The following NBEA variants were observed in gnomAD, a reference collection of about 807,000 sequenced individuals.
The protein encoded by NBEA is lysosomal-trafficking regulator 2.
In NBEA, 44 loss-of-function variants were observed where a neutral mutation model predicts 343.4. The ratio of observed to expected loss-of-function variants is 0.13; its 90% confidence interval spans 0.10 to 0.16. NBEA has a LOEUF of 0.16. Ranked by LOEUF, NBEA falls within the 10% of genes least tolerant of loss-of-function variation. The pLI, the probability that NBEA is intolerant of heterozygous loss-of-function variation, is 1.00. For missense variants in NBEA, 2,555 were observed against 3,631.3 expected (o/e 0.70, Z 7.62); for synonymous variants, 1,175 against 1,238.7 (o/e 0.95, Z 1.08).
chr13:35,154,668 A>G (rs1270300336), intron 18 of NBEA, among the ~76,000 whole-genome samples: 1 of 152,198 alleles, frequency 6.6e-6, no homozygotes, highest in Admixed American at 6.5e-5. Context: ...GATGTTCAAA[A>G]TCCTGCTCCC....
chr13:34,989,801 C>G (rs1265023935), intron 1 of NBEA, among the ~76,000 whole-genome samples: 1 of 150,978 alleles, frequency 6.6e-6, no homozygotes, highest in African/African-American at 2.4e-5. Context: ...CAAGGCACGT[C>G]TATTTGCCTA....
At chr13:35,327,846 A>G (rs896855069) in intron 36 of NBEA, among the ~76,000 whole-genome samples, 5 of 151,996 alleles carry the variant, frequency 3.3e-5, no homozygotes, top group African/African-American at 9.7e-5. Context: ...AAAGAGAAAA[A>G]TATACGATCA....
intron 17 of NBEA, among the ~76,000 whole-genome samples, chr13:35,130,673 G>GA (rs918328232): frequency 1.8e-4 from 26 of 146,976 alleles, no homozygotes; most frequent in South Asian, 1.1e-3. Flanking sequence ...AGTATAATTT[G>GA]AAAAAAAAAA....
At chr13:35,369,232 G>A (rs1363481524) in intron 38 of NBEA, among the ~76,000 whole-genome samples, 1 of 149,604 alleles carries the variant, frequency 6.7e-6, no homozygotes, top group Non-Finnish European at 1.5e-5. Flanking sequence ...TAAGTACATG[G>A]ATTTGTTTCT....
chr13:35,274,315 G>A (rs746165004), intron 34 of NBEA, among the ~76,000 whole-genome samples: 6 of 152,084 alleles, frequency 3.9e-5, no homozygotes, highest in South Asian at 2.1e-4. Context: ...ATTCAACAGC[G>A]TTTCATGCTA....
intron 36 of NBEA, among the ~76,000 whole-genome samples, chr13:35,332,056 C>A (rs2038960176): frequency 6.6e-6 from 1 of 152,000 alleles, no homozygotes; most frequent in Non-Finnish European, 1.5e-5. Flanking sequence ...CATACTCATG[C>A]ATTCATTCAG....
intron 39 of NBEA, among the ~76,000 whole-genome samples, chr13:35,440,635 A>C (rs150142871): frequency 6.6e-6 from 1 of 152,188 alleles, no homozygotes; most frequent in Non-Finnish European, 1.5e-5. Flanking sequence ...AACACAGGAT[A>C]GTGTGGGGAA....
At chr13:35,518,209 A>C (rs1183499021) in intron 41 of NBEA, among the ~76,000 whole-genome samples, 1 of 152,146 alleles carries the variant, frequency 6.6e-6, no homozygotes, top group East Asian at 1.9e-4. Context: ...TCATACCAAC[A>C]GTCCTTTGTA....
intron 55 of NBEA, among the ~76,000 whole-genome samples, 179 bp from the exon 56 acceptor site, chr13:35,664,906 T>C (rs570814176): frequency 1.3e-5 from 2 of 152,378 alleles, no homozygotes; most frequent in South Asian, 4.1e-4. Context: ...ATAGATTCGC[T>C]AGTTATGCGC....
At chr13:34,992,406 C>T (rs990380296) in intron 1 of NBEA, among the ~76,000 whole-genome samples, 8 of 151,222 alleles carry the variant, frequency 5.3e-5, no homozygotes, top group Non-Finnish European at 1.2e-4. Context: ...AGGCACATGC[C>T]ACCATGCCTG....
intron 1 of NBEA, among the ~76,000 whole-genome samples, chr13:35,029,563 T>A (rs1271651396): frequency 6.6e-6 from 1 of 151,638 alleles, no homozygotes; most frequent in East Asian, 1.9e-4. Flanking sequence ...TTTTAGAGTT[T>A]ATCCAAAATA....
intron 30 of NBEA, among the ~76,000 whole-genome samples, chr13:35,195,300 G>A (rs896746734): frequency 3.3e-5 from 5 of 152,004 alleles, no homozygotes; most frequent in South Asian, 2.1e-4. Flanking sequence ...TGCTTTTGAA[G>A]GCATCAGTTT....
At chr13:35,638,466 A>G (rs2083796444) in intron 49 of NBEA, among the ~76,000 whole-genome samples, 1 of 152,206 alleles carries the variant, frequency 6.6e-6, no homozygotes, top group Non-Finnish European at 1.5e-5. Context: ...AGGCACTGCC[A>G]AAACGGGACT....
At chr13:35,157,358 G>A (rs73502427) in intron 21 of NBEA, 88 bp downstream of exon 21, 1 of 1,015,884 alleles carries the variant, frequency 9.8e-7, no homozygotes. Context: ...CATCTTGTGG[G>A]CATCTTAGAT....
At chr13:35,272,403 G>A (rs2034234102) in intron 34 of NBEA, among the ~76,000 whole-genome samples, 1 of 152,116 alleles carries the variant, frequency 6.6e-6, no homozygotes, top group African/African-American at 2.4e-5. Flanking sequence ...GCGAAAACAT[G>A]CCAAATTGTA....
At chr13:35,356,933 T>C (rs946329558) in intron 38 of NBEA, among the ~76,000 whole-genome samples, 6 of 152,122 alleles carry the variant, frequency 3.9e-5, no homozygotes, top group Non-Finnish European at 8.8e-5. Context: ...ACCACATTTT[T>C]CCCTTCATCA....
intron 41 of NBEA, among the ~76,000 whole-genome samples, chr13:35,530,509 T>C (rs2078210375): frequency 6.6e-6 from 1 of 152,226 alleles, no homozygotes; most frequent in Non-Finnish European, 1.5e-5. Flanking sequence ...CTTGTTGGTT[T>C]AAACCAGGGC....
chr13:35,185,622 G>T (rs1228605821), intron 30 of NBEA: 2 of 152,116 alleles, frequency 1.3e-5, no homozygotes, highest in Non-Finnish European at 2.9e-5. Flanking sequence ...GGTTGTATCT[G>T]CCCAGATTAA....
chr13:35,451,983 A>G, intron 39 of NBEA, 109 bp from the exon 40 acceptor site: 1 of 791,420 alleles, frequency 1.3e-6, no homozygotes, highest in South Asian at 1.9e-5. Flanking sequence ...TTGTAAAGTA[A>G]TATGTAAATG....
Sources: allele counts gnomAD v4.1 joint callset (sites outside exome capture counted in the v4.1 genomes callset), GRCh38; gene constraint gnomAD v4.1.1; transcripts MANE v1.5; gene names NCBI Gene and HGNC (gene_info 2026-07-23, HGNC 2026-07-21).